Variants in HNRNPUL1 observed in about 807,000 individuals in gnomAD.
HNRNPUL1 encodes the protein heterogeneous nuclear ribonucleoprotein U-like protein 1.
A neutral mutation model predicts 108.5 loss-of-function variants in HNRNPUL1; 14 were observed. That is an observed-to-expected ratio of 0.13 (90% CI 0.09 to 0.20). The LOEUF (loss-of-function observed/expected upper bound fraction) is 0.20, where lower values mean the gene tolerates loss of function less well. Among genes scored for constraint, HNRNPUL1 ranks in the 10% least tolerant of loss-of-function variants. HNRNPUL1 has a pLI of 1.00. For missense variants in HNRNPUL1, 804 were observed against 1,168.3 expected (o/e 0.69, Z 4.55); for synonymous variants, 422 against 445.2 (o/e 0.95, Z 0.66).
Position 41,307,250 on chromosome 19 carries a change from A to G in HNRNPUL1, c.*685A>G, listed in dbSNP as rs2037594441. The G allele has an allele frequency of 6.6e-6, 1 of 152,634 alleles. No individual in the cohort carries two copies. The highest frequency in any genetic ancestry group is 2.4e-5 in the African/African-American group (1 of 41,448). The allele number at this position is 152,634 out of a possible 1,614,324, so 9.5% of individuals were successfully genotyped here. A position where few individuals can be genotyped will look rare whatever the true frequency, so the allele number is the denominator to read the frequency against. ...CACAACAAAACCAAACCACAGAATC[A>G]TCTTTAACCCAACTTTTTATACGAT... On this transcript the variant is annotated 3_prime_UTR_variant, in exon 15 of 15. Coordinates refer to ENST00000392006, the MANE Select transcript of HNRNPUL1 (RefSeq NM_007040.6).
In HNRNPUL1 at chr19:41,304,154, C is replaced by T; in HGVS notation, c.2155C>T (p.Pro719Ser). ...GCCACCGCCACCACCCAGCTACAGC[C>T]CTGCTCGGAACCCCCCAGGGGCCAG... is the stretch of plus-strand genomic sequence containing the variant. ...QQPPPPPSYS[P>S]ARNPPGASTY... The change falls in exon 13 of 15, where the codon CCT (proline) becomes TCT (serine). Residue 719 changes from proline (P) to serine (S), a missense_variant. Physicochemically the swap from Pro to Ser is moderately conservative, Grantham distance 74. Coordinates refer to ENST00000392006, the MANE Select transcript of HNRNPUL1 (RefSeq NM_007040.6). 6.2e-7 allele frequency: 1 copy of T among 1,614,194 alleles called. No homozygotes were observed. Among genetic ancestry groups the T allele is most frequent in the South Asian group, 1.1e-5 (1 of 91,084 alleles).
At chr19:41,281,372 G>T in intron 7 of HNRNPUL1, 97 bp downstream of exon 7, 1 of 723,124 alleles carries the variant, frequency 1.4e-6, no homozygotes, top group Non-Finnish European at 2.4e-6. Context: ...CCCATATCCA[G>T]CCACTCTCGC....
chr19:41,270,578 C>T (rs906395250), intron 2 of HNRNPUL1, among the ~76,000 whole-genome samples: 1 of 150,462 alleles, frequency 6.6e-6, no homozygotes, highest in Admixed American at 6.6e-5. Flanking sequence ...CCCCATGATG[C>T]CAACTCTCCC....
At chr19:41,269,137 A>T (rs1386040061) in intron 2 of HNRNPUL1, among the ~76,000 whole-genome samples, 3 of 150,822 alleles carry the variant, frequency 2.0e-5, no homozygotes, top group Non-Finnish European at 4.4e-5. Flanking sequence ...AGGCTCTGAG[A>T]AGTCCAGAAT....
At chr19:41,264,282 G>A (rs1265781703), upstream of HNRNPUL1, 7 of 402,888 alleles carry the variant, frequency 1.7e-5, no homozygotes, top group Non-Finnish European at 2.2e-5. Flanking sequence ...AGGTTTCCGG[G>A]CCCGCGCCCG....
chr19:41,279,106 T>C lies in HNRNPUL1; in HGVS notation c.816T>C (p.Leu272=), dbSNP rs1437724653. Residue 272 remains leucine (L), a synonymous_variant, in exon 6 of 15, where the codon CTT becomes CTC. Coordinates refer to ENST00000392006, the MANE Select transcript of HNRNPUL1 (RefSeq NM_007040.6). ...KINEEISVKH[L]PSTEPDPHVV... is the part of the protein sequence containing the mutation. ...ATGAGGAAATCTCCGTGAAGCACCT[T>C]CCGTCTACAGAGCCTGACCCCCACG... The C allele has an allele frequency of 1.9e-6, 3 of 1,613,934 alleles. No homozygotes were observed. In the African/African-American group the frequency reaches 4.0e-5, roughly 22 times the overall value.
chr19:41,297,249 A>G (rs1029620841), intron 10 of HNRNPUL1, among the ~76,000 whole-genome samples: 2 of 152,184 alleles, frequency 1.3e-5, no homozygotes, highest in Admixed American at 6.5e-5. Flanking sequence ...CTGACTTCCC[A>G]AACAGCCATA....
At chr19:41,269,225 G>A (rs1274932975) in intron 2 of HNRNPUL1, among the ~76,000 whole-genome samples, 1 of 152,020 alleles carries the variant, frequency 6.6e-6, no homozygotes, top group Non-Finnish European at 1.5e-5. Context: ...CAACACTTTG[G>A]GAGGCCAAGG....
chr19:41,304,358 GC>G (rs1428259089), intron 13 of HNRNPUL1, 97 bp downstream of exon 13: 4 of 1,512,942 alleles, frequency 2.6e-6, no homozygotes, highest in African/African-American at 1.4e-5. Flanking sequence ...ATCAACACAT[GC>G]CCCAGCTACT....
rs2036653116 is a variant in HNRNPUL1, at chr19:41,292,589, C to A, written c.1266+78C>A. The A allele has an allele frequency of 6.6e-7, 1 of 1,513,432 alleles. No individual in the cohort carries two copies. The highest frequency in any genetic ancestry group is 1.7e-5 in the Admixed American group (1 of 58,470). 93.8% of individuals were successfully genotyped at this position (1,513,432 alleles called of 1,614,324 possible). On this transcript the variant is annotated intron_variant, in intron 8 of 14. Transcript: ENST00000392006. This position sits in a 1 kb window ranked among gnomAD's most constrained non-coding sequence, Gnocchi z 4.1. ...ACACACACACACACACACACACAGA[C>A]TTGCTGCGAGAGTAGCCTTGGGGCA... is the stretch of plus-strand genomic sequence containing the variant.
intron 2 of HNRNPUL1, among the ~76,000 whole-genome samples, chr19:41,271,125 C>T (rs930047095): frequency 6.6e-6 from 1 of 152,202 alleles, no homozygotes; most frequent in Non-Finnish European, 1.5e-5. Context: ...AGTGCCTTTT[C>T]TTAGTGTATC....
In HNRNPUL1 at chr19:41,305,851, A is replaced by T. The variant is rs746897314; in HGVS notation, c.2438A>T (p.Tyr813Phe). 6.2e-7 allele frequency: 1 copy of T among 1,604,210 alleles called. No individual in the cohort carries two copies. The highest frequency in any genetic ancestry group is 8.5e-7 in the Non-Finnish European group (1 of 1,174,336). ...GCACAGACCTACCCTCAGCCCAGCT[A>T]TAACCAGTATCAGCAGGTAGGTGCC... ...PTAQTYPQPS[Y>F]NQYQQYAQQW... is the part of the protein sequence containing the mutation. The change falls in exon 14 of 15, where the codon TAT becomes TTT. Residue 813 changes from tyrosine (Y) to phenylalanine (F), a missense_variant. Transcript: ENST00000392006.
intron 1 of HNRNPUL1, chr19:41,265,245 G>T: frequency 6.5e-7 from 1 of 1,527,550 alleles, no homozygotes. Flanking sequence ...TTTCCAGGGT[G>T]GGGAAGGAAT....
intron 1 of HNRNPUL1, 24 bp downstream of exon 1, chr19:41,264,822 C>G (rs1358823906): frequency 1.5e-6 from 2 of 1,338,308 alleles, no homozygotes; most frequent in Non-Finnish European, 1.9e-6. Flanking sequence ...GGGCGGGGGC[C>G]GGGGAGCCCG....
intron 13 of HNRNPUL1, among the ~76,000 whole-genome samples, chr19:41,304,494 G>T (rs1235357280): frequency 6.6e-6 from 1 of 152,120 alleles, no homozygotes; most frequent in Admixed American, 6.5e-5. Context: ...CCCAGAACCT[G>T]CTCTTCTCCC....
intron 12 of HNRNPUL1, 67 bp downstream of exon 12, chr19:41,303,016 T>C: frequency 2.0e-6 from 3 of 1,464,776 alleles, no homozygotes; most frequent in Non-Finnish European, 2.7e-6. Context: ...TTTGACTGCT[T>C]ATTCAATCAG....
chr19:41,302,163 C>G (rs1391296173), intron 11 of HNRNPUL1, among the ~76,000 whole-genome samples: 3 of 150,118 alleles, frequency 2.0e-5, no homozygotes, highest in Non-Finnish European at 4.4e-5. Context: ...GCCCCTGACA[C>G]TTAGCAGGCT....
upstream of HNRNPUL1, chr19:41,263,040 CAAAAAAAAAAA>C (rs761873641): frequency 1.5e-4 from 9 of 59,242 alleles, no homozygotes; most frequent in East Asian, 1.0e-3. Context: ...GACTCCGTCT[CAAAAAAAAAAA>C]AAAAAAAAAA....
Position 41,280,912 on chromosome 19 carries a change from C to T in HNRNPUL1, c.887-251C>T, listed in dbSNP as rs2035862240. On this transcript the variant is annotated intron_variant, in intron 6 of 14. Coordinates refer to ENST00000392006, the MANE Select transcript of HNRNPUL1 (RefSeq NM_007040.6). ...CTTCCTCCCTTTCTTTTCAAATTCT[C>T]CCCTCTGTGCAGAGTTATTCAGTTG... The T allele has an allele frequency of 1.3e-5, 5 of 392,312 alleles. No homozygotes were observed. The East Asian group carries it at 1.7e-4, about 14-fold the overall frequency. 24.3% of individuals were successfully genotyped at this position (392,312 alleles called of 1,614,324 possible). A position where few individuals can be genotyped will look rare whatever the true frequency, so the allele number is the denominator to read the frequency against.
Sources: gnomAD v4.1 joint callset for allele counts (sites outside exome capture counted in the v4.1 genomes callset) on GRCh38, gnomAD v4.1.1 for gene constraint, Gnocchi (gnomAD v3.1) non-coding constraint, MANE v1.5 for transcripts, NCBI Gene and HGNC (gene_info 2026-07-23, HGNC 2026-07-21) for gene names.